CDH20: variants seen among roughly 807,000 people sequenced by gnomAD.
The protein encoded by CDH20 is cadherin-20.
CDH20 carries 29 observed loss-of-function variants against 74.2 expected under a neutral mutation model. That is an observed-to-expected ratio of 0.39 (90% CI 0.29 to 0.53). The LOEUF is 0.53. CDH20 is among the 20% of genes least tolerant of loss of function. The pLI, the probability that CDH20 is intolerant of heterozygous loss-of-function variation, is 0.69. For synonymous variants in CDH20, 469 were observed against 405.4 expected, an observed-to-expected ratio of 1.16 and a Z score of -1.88; for missense variants, 988 against 1,048.3, an observed-to-expected ratio of 0.94 and a Z score of 0.79.
At chr18:61,516,119 T>A (rs1432283042) in intron 6 of CDH20, among the ~76,000 whole-genome samples, 1 of 152,294 alleles carries the variant, frequency 6.6e-6, no homozygotes, top group African/African-American at 2.4e-5. Context: ...TAAGGTGTTA[T>A]CAATTGGAGA....
At chr18:61,446,832 C>T (rs1481904459) in intron 1 of CDH20, among the ~76,000 whole-genome samples, 3 of 152,150 alleles carry the variant, frequency 2.0e-5, no homozygotes, top group South Asian at 2.1e-4. Context: ...ACCAAACTGT[C>T]GGGAAGGCTC....
At chr18:61,549,411 G>C (rs956212170) in intron 10 of CDH20, among the ~76,000 whole-genome samples, 1 of 152,228 alleles carries the variant, frequency 6.6e-6, no homozygotes, top group Admixed American at 6.5e-5. Flanking sequence ...TTTCAAAGAA[G>C]CTTCTACTAA....
At chr18:61,521,083 C>T (rs1369741071) in intron 6 of CDH20, among the ~76,000 whole-genome samples, 3 of 151,048 alleles carry the variant, frequency 2.0e-5, no homozygotes, top group Non-Finnish European at 4.4e-5. Context: ...CAGAGCAGAA[C>T]TGAAGGAGAT....
At chr18:61,402,101 G>A (rs1912173707) in intron 1 of CDH20, among the ~76,000 whole-genome samples, 1 of 152,182 alleles carries the variant, frequency 6.6e-6, no homozygotes, top group South Asian at 2.1e-4. Context: ...TTTGCAAAGA[G>A]ACATTTTCCC....
chr18:61,338,140 T>A (rs1269949042), intron 1 of CDH20, among the ~76,000 whole-genome samples: 1 of 152,208 alleles, frequency 6.6e-6, no homozygotes, highest in East Asian at 1.9e-4. Flanking sequence ...AGCAGAAGAC[T>A]TACTGAAGTG....
At chr18:61,443,446 G>A in intron 1 of CDH20, among the ~76,000 whole-genome samples, 1 of 152,162 alleles carries the variant, frequency 6.6e-6, no homozygotes, top group East Asian at 1.9e-4. Context: ...ATATTTTCAA[G>A]TGTTGACAAC....
intron 9 of CDH20, 51 bp from the exon 10 acceptor site, chr18:61,544,976 G>A (rs937830055): frequency 8.2e-7 from 1 of 1,224,948 alleles, no homozygotes; most frequent in Non-Finnish European, 1.2e-6. Context: ...ACTGGGCCCT[G>A]GTGCTTTTTC....
intron 7 of CDH20, 127 bp downstream of exon 7, chr18:61,528,347 GTT>G: frequency 1.1e-6 from 1 of 888,146 alleles, no homozygotes; most frequent in Non-Finnish European, 1.7e-6. Context: ...TCCTCTTTGA[GTT>G]TTTTGTGTTG....
chr18:61,418,151 A>G (rs528867199), intron 1 of CDH20, among the ~76,000 whole-genome samples: 1 of 152,346 alleles, frequency 6.6e-6, no homozygotes, highest in Non-Finnish European at 1.5e-5. Flanking sequence ...TGAATAGAAC[A>G]ATTCTTTTTA....
intron 1 of CDH20, among the ~76,000 whole-genome samples, chr18:61,385,454 A>G (rs1358209337): frequency 6.6e-6 from 1 of 152,188 alleles, no homozygotes; most frequent in African/African-American, 2.4e-5. Context: ...TACCAGTGAT[A>G]TATTTCACTA....
chr18:61,500,662 C>T (rs1017863183), intron 4 of CDH20, among the ~76,000 whole-genome samples, 160 bp downstream of exon 4: 6 of 152,144 alleles, frequency 3.9e-5, no homozygotes, highest in Non-Finnish European at 8.8e-5. Context: ...ACTAGCACTG[C>T]CCTGACAGGT....
chr18:61,427,310 G>C (rs767593479), intron 1 of CDH20, among the ~76,000 whole-genome samples: 4 of 152,112 alleles, frequency 2.6e-5, no homozygotes, highest in Non-Finnish European at 5.9e-5. Context: ...ACCCAGTGAA[G>C]TACGTACTAA....
At chr18:61,501,960 T>TA (rs1387263156) in intron 4 of CDH20, among the ~76,000 whole-genome samples, 3 of 152,084 alleles carry the variant, frequency 2.0e-5, no homozygotes, top group Non-Finnish European at 4.4e-5. Flanking sequence ...GGGGGCCTTT[T>TA]AAAAAAGAAA....
At chr18:61,432,827 C>T (rs1453422996) in intron 1 of CDH20, among the ~76,000 whole-genome samples, 1 of 152,146 alleles carries the variant, frequency 6.6e-6, no homozygotes. Context: ...CCTTTCTTCC[C>T]TCACCTCCTC....
At chr18:61,538,493 C>T (rs1406919155) in intron 8 of CDH20, among the ~76,000 whole-genome samples, 2 of 151,956 alleles carry the variant, frequency 1.3e-5, no homozygotes, top group Non-Finnish European at 2.9e-5. Flanking sequence ...TCTTAGTAGG[C>T]AACACATGGA....
intron 1 of CDH20, among the ~76,000 whole-genome samples, chr18:61,443,889 G>T (rs1203748652): frequency 6.6e-6 from 1 of 152,008 alleles, no homozygotes; most frequent in Non-Finnish European, 1.5e-5. Flanking sequence ...GTACAACACT[G>T]GTAGGGATCT....
intron 1 of CDH20, among the ~76,000 whole-genome samples, chr18:61,426,850 A>C (rs1358547338): frequency 6.6e-6 from 1 of 152,318 alleles, no homozygotes; most frequent in South Asian, 2.1e-4. Context: ...CAGGACATCA[A>C]GTATCCCTGG....
chr18:61,433,393 T>C (rs1007879719), intron 1 of CDH20, among the ~76,000 whole-genome samples: 2 of 152,210 alleles, frequency 1.3e-5, no homozygotes, highest in Non-Finnish European at 2.9e-5. Context: ...TTGCCTTTTT[T>C]ATTTGGAAAT....
Position 61,554,630 on chromosome 18 carries a change from G to A in CDH20, c.2341G>A (p.Gly781Arg), listed in dbSNP as rs773881127. 3 of 1,603,898 alleles carry A rather than the reference G, an allele frequency of 1.9e-6. No individual in the cohort carries two copies. The highest frequency in any genetic ancestry group is 1.7e-5 in the Admixed American group (1 of 59,374). Residue 781 changes from glycine to arginine, a missense_variant, in exon 12 of 12, where the codon GGG (glycine) becomes AGG (arginine). Transcript: ENST00000262717. ...GAGCTTCGACTTCCTGACGGACTGG[G>A]GGCCCCGCTTCCGGAAGCTGGCCGA... ...EQSFDFLTDW[G>R]PRFRKLAELY... is the part of the protein sequence containing the mutation.
Sources: gnomAD v4.1 joint callset for allele counts (sites outside exome capture counted in the v4.1 genomes callset) on GRCh38, gnomAD v4.1.1 for gene constraint, MANE v1.5 for transcripts, NCBI Gene and HGNC (gene_info 2026-07-23, HGNC 2026-07-21) for gene names.